The following DNHD1 variants were observed in gnomAD, a reference collection of about 807,000 sequenced individuals.
The protein encoded by DNHD1 is dynein heavy chain domain 1, also known as dynein heavy chain domain-containing protein 1.
A neutral mutation model predicts 458.1 loss-of-function variants in DNHD1; 383 were observed. That is an observed-to-expected ratio of 0.84 (90% CI 0.77 to 0.91). The LOEUF (loss-of-function observed/expected upper bound fraction) is 0.91, where lower values mean the gene tolerates loss of function less well. Among genes scored for constraint, DNHD1 ranks in the 40% least tolerant of loss-of-function variants. The pLI is 0.00. For synonymous variants in DNHD1, 2,203 were observed against 2,376.9 expected, an observed-to-expected ratio of 0.93 and a Z score of 2.13; for missense variants, 5,336 against 5,866.1, an observed-to-expected ratio of 0.91 and a Z score of 2.95.
At chr11:6,538,253 A>T in intron 14 of DNHD1, 130 bp from the exon 15 acceptor site, 1 of 701,966 alleles carries the variant, frequency 1.4e-6, no homozygotes, top group Admixed American at 2.5e-5. Context: ...TTGGAACTCC[A>T]CCTCCCCCAC....
Position 6,545,378 on chromosome 11 carries a change from C to G in DNHD1, c.4439C>G (p.Ala1480Gly). The change falls in exon 21 of 43, where the codon GCC becomes GGC. Residue 1480 changes from alanine to glycine, a missense_variant. Physicochemically the swap from Ala to Gly is moderately conservative, Grantham distance 60 (BLOSUM62 0). Coordinates refer to ENST00000254579, the MANE Select transcript of DNHD1 (RefSeq NM_144666.3). This position sits in a 1 kb window ranked among gnomAD's most constrained non-coding sequence, Gnocchi z 4.9. ...GCTCGAGGCCCATCTCTAGGTGAGGCCCTCAAGCAACTGCCCAAGCAAAAC... is the reference window on the plus strand; with the variant it reads ...GCTCGAGGCCCATCTCTAGGTGAGGGCCTCAAGCAACTGCCCAAGCAAAAC... ...RLARGPSLGE[A>G]LKQLPKQNKL... The G allele has an allele frequency of 6.4e-7, 1 of 1,551,756 alleles. No individual in the cohort carries two copies. The highest frequency in any genetic ancestry group is 8.7e-7 in the Non-Finnish European group (1 of 1,147,014).
At position 6,552,528 on chromosome 11, in the gene DNHD1, A is replaced by AT. The variant is rs1373057953; in HGVS notation, c.7387+3595_7387+3596insT. Among the ~76,000 whole-genome samples the AT allele has an allele frequency of 4.2e-3, 640 of 152,190 alleles. 5 individuals carry two copies. Among genetic ancestry groups the AT allele is most frequent in the African/African-American group, 0.015 (621 of 41,522 alleles). On this transcript the variant is annotated intron_variant, in intron 24 of 42. Coordinates refer to ENST00000254579, the MANE Select transcript of DNHD1 (RefSeq NM_144666.3). ...GACAAGAGCAAAACTTCGTCCCAAAAAATATATATATATAAGTAGGTTTAA... is the reference window on the plus strand; with the variant it reads ...GACAAGAGCAAAACTTCGTCCCAAAATAATATATATATATAAGTAGGTTTAA...
chr11:6,542,749 A>G (rs1311746787), intron 18 of DNHD1, among the ~76,000 whole-genome samples: 1 of 152,238 alleles, frequency 6.6e-6, no homozygotes, highest in Non-Finnish European at 1.5e-5. Flanking sequence ...GCACACCTAC[A>G]AATTATTAAT....
Position 6,564,546 on chromosome 11 carries a change from C to T in DNHD1, c.10498C>T (p.Pro3500Ser), listed in dbSNP as rs1157022938. 2.6e-6 allele frequency: 4 copies of T among 1,551,576 alleles called. No individual in the cohort carries two copies. Among genetic ancestry groups the T allele is most frequent in the Non-Finnish European group, 1.7e-6 (2 of 1,147,006 alleles). Residue 3500 changes from proline (P) to serine (S), a missense_variant, in exon 32 of 43, where the codon CCC becomes TCC. By Grantham distance (74) the Pro-to-Ser change is moderately conservative. Around this residue, in one of 4 missense-constraint regions of DNHD1, gnomAD observed 3,932 missense variants for 4,365.6 expected, o/e 0.90. Transcript: ENST00000254579. Reference sequence around the variant, plus strand: ...ATCTGTCAGCATACCACCAAAGAACCCCCTGCTGGCTACACACTCTCCCTT... The same window carrying T: ...ATCTGTCAGCATACCACCAAAGAACTCCCTGCTGGCTACACACTCTCCCTT... ...QKSVSIPPKN[P>S]LLATHSPFSI... is the part of the protein sequence containing the mutation.
Position 6,547,429 on chromosome 11 carries a change from C to G in DNHD1, c.6490C>G (p.Leu2164Val). 4 of 1,551,748 alleles carry G rather than the reference C, an allele frequency of 2.6e-6. No homozygotes were observed. Among genetic ancestry groups the G allele is most frequent in the Non-Finnish European group, 3.5e-6 (4 of 1,146,984 alleles). The change falls in exon 21 of 43, where the codon CTT becomes GTT. Residue 2164 changes from leucine (L) to valine (V), a missense_variant. Leu to Val is a conservative substitution (Grantham distance 32). Around this residue, in one of 4 missense-constraint regions of DNHD1, gnomAD observed 3,932 missense variants for 4,365.6 expected, o/e 0.90. Coordinates refer to ENST00000254579, the MANE Select transcript of DNHD1 (RefSeq NM_144666.3). ...TATACTTAGTGCCCTGATGGCATCC[C>G]TTCCTTATGAGTACCGCCTGCAGCA... ...QCILSALMASLPYEYRLQHRT... is the reference protein window; with the variant it reads ...QCILSALMASVPYEYRLQHRT...
At chr11:6,560,024 T>C (rs2134449464) in intron 28 of DNHD1, among the ~76,000 whole-genome samples, 1 of 152,352 alleles carries the variant, frequency 6.6e-6, no homozygotes, top group Admixed American at 6.5e-5. Context: ...CTGGCTAAAA[T>C]TGGTGATGAT....
At chr11:6,566,105 T>G in intron 33 of DNHD1, 114 bp downstream of exon 33, 1 of 1,475,042 alleles carries the variant, frequency 6.8e-7, no homozygotes, top group Admixed American at 2.1e-5. Context: ...TCCCAGGCAC[T>G]AACTATATTG....
chr11:6,502,979 T>C (rs566911439), intron 4 of DNHD1, 53 bp downstream of exon 4: 37 of 1,593,862 alleles, frequency 2.3e-5, no homozygotes, highest in Non-Finnish European at 1.5e-5. Context: ...TTTCCTTCTA[T>C]GCTATCTTCC....
At chr11:6,529,248 T>A in intron 12 of DNHD1, 127 bp downstream of exon 12, 1 of 1,054,004 alleles carries the variant, frequency 9.5e-7, no homozygotes, top group Non-Finnish European at 1.3e-6. Flanking sequence ...TATGAAGCCT[T>A]CCAAAGCCCG....
At position 6,538,780 on chromosome 11, in the gene DNHD1, C is replaced by T; in HGVS notation, c.3295C>T (p.Gln1099Ter). Reference sequence around the variant, plus strand: ...CACTAAGCTGGGCAGCCTCCACCCACAGAGCCTCAACTGCCAGTGTCTCCT... The same window carrying T: ...CACTAAGCTGGGCAGCCTCCACCCATAGAGCCTCAACTGCCAGTGTCTCCT... Reference protein sequence around the residue: ...LLTKLGSLHPQSLNCQCLLRA... With the variant: ...LLTKLGSLHP The change falls in exon 16 of 43, where the codon CAG (glutamine) becomes TAG (stop). Residue 1099 changes from glutamine to a stop codon, truncating the protein, a stop_gained. Transcript: ENST00000254579. LOFTEE classifies it high-confidence loss of function. 2 of 1,530,160 alleles carry T rather than the reference C, an allele frequency of 1.3e-6. No individual in the cohort carries two copies. The highest frequency in any genetic ancestry group is 1.8e-6 in the Non-Finnish European group (2 of 1,134,284). 94.8% of individuals were successfully genotyped at this position (1,530,160 alleles called of 1,614,324 possible).
rs1292894222 is a variant in DNHD1, at chr11:6,544,140, T to A, written c.3648T>A (p.Asp1216Glu). ...TCTTAGATTACAGCAACCTGCAGGA[T>A]TCCATCCAGGAAAGTCTTCAGGTGT... ...FILSDYSNLQ[D>E]SIQESLQVLS... is the part of the protein sequence containing the mutation. Residue 1216 changes from aspartate (D) to glutamate (E), a missense_variant, in exon 19 of 43, where the codon GAT becomes GAA. By Grantham distance (45) the Asp-to-Glu change is conservative. Coordinates refer to ENST00000254579, the MANE Select transcript of DNHD1 (RefSeq NM_144666.3). The A allele has an allele frequency of 3.0e-5, 46 of 1,551,408 alleles. No individual in the cohort carries two copies. The highest frequency in any genetic ancestry group is 3.7e-5 in the Non-Finnish European group (42 of 1,146,894).
chr11:6,571,338 C>G lies in DNHD1; in HGVS notation c.13826C>G (p.Ser4609Trp). The G allele has an allele frequency of 1.2e-6, 2 of 1,612,446 alleles. No homozygotes were observed. The highest frequency in any genetic ancestry group is 1.7e-6 in the Non-Finnish European group (2 of 1,179,514). ...EAALDQNVPS[S>W]NFPGSRGSVS... ...GCCCTGGACCAGAATGTGCCCAGCT[C>G]GAATTTCCCTGGTAGCCGAGGCTCG... The change falls in exon 42 of 43, where the codon TCG becomes TGG. Residue 4609 changes from serine to tryptophan, a missense_variant. By Grantham distance (177) the Ser-to-Trp change is radical. Around this residue, in one of 4 missense-constraint regions of DNHD1, gnomAD observed 698 missense variants for 664.9 expected, o/e 1.05. Transcript: ENST00000254579. This position sits in a 1 kb window ranked among gnomAD's most constrained non-coding sequence, Gnocchi z 5.0.
chr11:6,568,965 C>A lies in DNHD1; in HGVS notation c.12863+99C>A, dbSNP rs993145529. On this transcript the variant is annotated intron_variant, in intron 39 of 42. Coordinates refer to ENST00000254579, the MANE Select transcript of DNHD1 (RefSeq NM_144666.3). Reference sequence around the variant, plus strand: ...AGTAAAACTAATTCATCTTTGGAAGCTCCAAAGAGCAAGGGCAAGGGGAAG... The same window carrying A: ...AGTAAAACTAATTCATCTTTGGAAGATCCAAAGAGCAAGGGCAAGGGGAAG... The A allele has an allele frequency of 6.7e-6, 9 of 1,343,450 alleles. No homozygotes were observed. In the Admixed American group the frequency reaches 1.8e-4, roughly 26 times the overall value. The allele number at this position is 1,343,450 out of a possible 1,614,324, so 83.2% of individuals were successfully genotyped here. A position where few individuals can be genotyped will look rare whatever the true frequency, so the allele number is the denominator to read the frequency against.
rs1853532600 is a variant in DNHD1 at position 6,559,171 on chromosome 11, G to T, written c.9417-10G>T. ...CTTTGGGTTTCCTCACCAGCACATT[G>T]TATCTCCAGGGTCCAGAATGCCTTG... On this transcript the variant is annotated splice_polypyrimidine_tract_variant and intron_variant, in intron 27 of 42. Coordinates refer to ENST00000254579, the MANE Select transcript of DNHD1 (RefSeq NM_144666.3). 1 of 1,551,654 alleles carries T rather than the reference G, an allele frequency of 6.4e-7. No individual in the cohort carries two copies. The highest frequency in any genetic ancestry group is 8.7e-7 in the Non-Finnish European group (1 of 1,146,968).
intron 18 of DNHD1, among the ~76,000 whole-genome samples, 163 bp from the exon 19 acceptor site, chr11:6,543,958 C>CAAAAAAAA (rs34739231): frequency 1.4e-5 from 1 of 73,998 alleles, no homozygotes; most frequent in Non-Finnish European, 2.3e-5. Flanking sequence ...GACTCTGTCT[C>CAAAAAAAA]AAAAAAAAAA....
chr11:6,510,404 A>G (rs1309575031), intron 6 of DNHD1, among the ~76,000 whole-genome samples: 1 of 152,126 alleles, frequency 6.6e-6, no homozygotes, highest in African/African-American at 2.4e-5. Context: ...TTATTAAAAC[A>G]CTGTATGCTA....
Position 6,558,078 on chromosome 11 carries a change from G to C in DNHD1, c.8783G>C (p.Arg2928Pro). The C allele has an allele frequency of 6.4e-7, 1 of 1,551,680 alleles. No homozygotes were observed. Among genetic ancestry groups the C allele is most frequent in the Non-Finnish European group, 8.7e-7 (1 of 1,146,984 alleles). Reference protein sequence around the residue: ...GSEEAILQCLRDASWHAGMLS... With the variant: ...GSEEAILQCLPDASWHAGMLS... ...GAGGAGGCCATTCTCCAATGTCTAC[G>C]AGATGCCAGCTGGCATGCTGGCATG... The change falls in exon 25 of 43, where the codon CGA becomes CCA. Residue 2928 changes from arginine (R) to proline (P), a missense_variant. Coordinates refer to ENST00000254579, the MANE Select transcript of DNHD1 (RefSeq NM_144666.3).
At chr11:6,552,997 C>T (rs968859348) in intron 24 of DNHD1, among the ~76,000 whole-genome samples, 7 of 152,026 alleles carry the variant, frequency 4.6e-5, no homozygotes, top group African/African-American at 7.3e-5. Flanking sequence ...AAAAAAAGTA[C>T]AACTTATATA....
intron 6 of DNHD1, 90 bp downstream of exon 6, chr11:6,509,362 T>TA: frequency 1.7e-6 from 2 of 1,198,562 alleles, no homozygotes; most frequent in Non-Finnish European, 2.3e-6. Flanking sequence ...ATCTGAAAGA[T>TA]ACAAAAAAGC....
Sources: allele counts gnomAD v4.1 joint callset (sites outside exome capture counted in the v4.1 genomes callset), GRCh38; gene constraint gnomAD v4.1.1; regional missense constraint gnomAD v4.1.1; non-coding constraint Gnocchi (gnomAD v3.1); transcripts MANE v1.5; gene names NCBI Gene and HGNC (gene_info 2026-07-23, HGNC 2026-07-21).